SNCAIP: variants seen among roughly 807,000 people sequenced by gnomAD.
The protein encoded by SNCAIP is synuclein alpha interacting protein.
A neutral mutation model predicts 86.7 loss-of-function variants in SNCAIP; 43 were observed. The observed-to-expected ratio is 0.50, with a 90% confidence interval of 0.39 to 0.64. SNCAIP has a LOEUF of 0.64. Among genes scored for constraint, SNCAIP ranks in the 30% least tolerant of loss-of-function variants. SNCAIP has a pLI of 0.00. For missense variants in SNCAIP, 981 were observed against 1,103.1 expected (o/e 0.89, Z 1.57); for synonymous variants, 417 against 427.2 (o/e 0.98, Z 0.29).
chr5:122,331,702 G>A (rs1755378667), intron 1 of SNCAIP, among the ~76,000 whole-genome samples: 1 of 152,140 alleles, frequency 6.6e-6, no homozygotes, highest in Admixed American at 6.5e-5. Flanking sequence ...ATGGTGGAAG[G>A]GGCAAGCCAG....
chr5:122,345,762 G>A lies in SNCAIP; in HGVS notation c.-47+33478G>A, dbSNP rs188579560. On this transcript the variant is annotated intron_variant, in intron 1 of 10. Coordinates refer to ENST00000261368, the MANE Select transcript of SNCAIP (RefSeq NM_005460.4). ...TGCAACCTTTAACTCATGGGCTCAA[G>A]TGATCCTCCTGCCTTAGCCTCCCAA... 3.9e-5 allele frequency among the ~76,000 whole-genome samples: 6 copies of A among 152,228 alleles called. No homozygotes were observed. The East Asian group carries it at 9.7e-4, about 25-fold the overall frequency.
At chr5:122,360,753 AGAG>A (rs879549813) in intron 1 of SNCAIP, among the ~76,000 whole-genome samples, 3 of 152,198 alleles carry the variant, frequency 2.0e-5, no homozygotes, top group Non-Finnish European at 4.4e-5. Context: ...TACTTGTAGA[AGAG>A]GAGAACTCTG....
chr5:122,347,912 A>G (rs1237276750), intron 1 of SNCAIP, among the ~76,000 whole-genome samples: 2 of 152,140 alleles, frequency 1.3e-5, no homozygotes, highest in African/African-American at 4.8e-5. Flanking sequence ...ATAAGCTAAA[A>G]GTGTTTCCCT....
At chr5:122,395,941 G>A (rs1252322440) in intron 2 of SNCAIP, among the ~76,000 whole-genome samples, 1 of 152,112 alleles carries the variant, frequency 6.6e-6, no homozygotes, top group East Asian at 1.9e-4. Context: ...ACACTTTCAT[G>A]TGGCCTCTGA....
intron 1 of SNCAIP, among the ~76,000 whole-genome samples, chr5:122,316,958 G>A (rs1314678295): frequency 6.6e-6 from 1 of 152,096 alleles, no homozygotes; most frequent in African/African-American, 2.4e-5. Flanking sequence ...CAAAGAATAC[G>A]TTTTTATCAT....
At chr5:122,342,105 C>T (rs749862952) in intron 1 of SNCAIP, among the ~76,000 whole-genome samples, 5 of 152,174 alleles carry the variant, frequency 3.3e-5, no homozygotes, top group Non-Finnish European at 7.3e-5. Flanking sequence ...TGCCCATTCT[C>T]TCACTGGTCA....
At chr5:122,365,720 G>A (rs908638373) in intron 1 of SNCAIP, among the ~76,000 whole-genome samples, 1 of 152,076 alleles carries the variant, frequency 6.6e-6, no homozygotes, top group African/African-American at 2.4e-5. Context: ...TTGGTCTCAT[G>A]GTTTTATTCA....
chr5:122,390,374 T>G (rs1206928365), intron 1 of SNCAIP, among the ~76,000 whole-genome samples: 1 of 152,058 alleles, frequency 6.6e-6, no homozygotes, highest in Admixed American at 6.5e-5. Context: ...TATCCTACTG[T>G]GATAGATTTA....
At chr5:122,435,943 G>A (rs1376208178) in intron 6 of SNCAIP, among the ~76,000 whole-genome samples, 1 of 152,116 alleles carries the variant, frequency 6.6e-6, no homozygotes, top group Non-Finnish European at 1.5e-5. Context: ...TTCTGATCTT[G>A]ACAAAGCATA....
At chr5:122,357,417 G>C (rs556032882) in intron 1 of SNCAIP, among the ~76,000 whole-genome samples, 19 of 151,948 alleles carry the variant, frequency 1.3e-4, no homozygotes, top group African/African-American at 4.3e-4. Flanking sequence ...TGTATTTTTA[G>C]TAGAGACAGG....
chr5:122,353,290 T>C (rs1040246926), intron 1 of SNCAIP, among the ~76,000 whole-genome samples: 1 of 152,064 alleles, frequency 6.6e-6, no homozygotes, highest in Admixed American at 6.6e-5. Context: ...GGATTCAGCA[T>C]AGTGATTACC....
chr5:122,358,412 A>C (rs931859285), intron 1 of SNCAIP, among the ~76,000 whole-genome samples: 4 of 134,562 alleles, frequency 3.0e-5, no homozygotes, highest in Admixed American at 2.6e-4. Flanking sequence ...TAATCATTGT[A>C]ATGGGATGCC....
chr5:122,402,146 C>A (rs1771953354), intron 2 of SNCAIP, among the ~76,000 whole-genome samples: 1 of 151,632 alleles, frequency 6.6e-6, no homozygotes, highest in Non-Finnish European at 1.5e-5. Context: ...CACATGGCAA[C>A]CAAAACAAAA....
chr5:122,347,125 A>C (rs1308298136), intron 1 of SNCAIP, among the ~76,000 whole-genome samples: 2 of 152,092 alleles, frequency 1.3e-5, no homozygotes, highest in Non-Finnish European at 1.5e-5. Context: ...ATGTAACTGG[A>C]ACAAAAAACA....
chr5:122,360,453 C>A (rs1761980023), intron 1 of SNCAIP, among the ~76,000 whole-genome samples: 1 of 152,106 alleles, frequency 6.6e-6, no homozygotes, highest in Non-Finnish European at 1.5e-5. Context: ...TGGTTCTGAC[C>A]AACTCCAACA....
At chr5:122,452,942 C>T in intron 10 of SNCAIP, 2 of 1,548,270 alleles carry the variant, frequency 1.3e-6, no homozygotes, top group Admixed American at 3.9e-5. Flanking sequence ...ACAGCAGCTG[C>T]ATCAATCTTT....
At chr5:122,411,805 C>T (rs1774191066) in intron 3 of SNCAIP, among the ~76,000 whole-genome samples, 1 of 152,110 alleles carries the variant, frequency 6.6e-6, no homozygotes, top group African/African-American at 2.4e-5. Flanking sequence ...AGCTCAATCC[C>T]CAGGGTATTC....
At chr5:122,426,873 C>T (rs1164728053) in intron 5 of SNCAIP, among the ~76,000 whole-genome samples, 1 of 152,136 alleles carries the variant, frequency 6.6e-6, no homozygotes, top group Non-Finnish European at 1.5e-5. Context: ...CCAGGTACTG[C>T]GTTTGGTGGC....
chr5:122,442,931 C>T (rs1581304382), intron 7 of SNCAIP, among the ~76,000 whole-genome samples: 4 of 151,994 alleles, frequency 2.6e-5, no homozygotes, highest in Admixed American at 2.6e-4. Flanking sequence ...GATAAGAGAC[C>T]GAGAGTGAGC....
Sources: allele counts gnomAD v4.1 joint callset (sites outside exome capture counted in the v4.1 genomes callset), GRCh38; gene constraint gnomAD v4.1.1; transcripts MANE v1.5; gene names NCBI Gene and HGNC (gene_info 2026-07-23, HGNC 2026-07-21).